PDE11A: variants seen among roughly 807,000 people sequenced by gnomAD.
The protein encoded by PDE11A is phosphodiesterase 11A.
A neutral mutation model predicts 100.5 loss-of-function variants in PDE11A; 100 were observed. The ratio of observed to expected loss-of-function variants is 1.00; its 90% CI spans 0.85 to 1.18. The LOEUF is 1.18. Among genes scored for constraint, PDE11A ranks in the 50% most tolerant of loss-of-function variants. The pLI, the probability that PDE11A is intolerant of heterozygous loss-of-function variation, is 0.00. For synonymous variants in PDE11A, 381 were observed against 420.8 expected (o/e 0.91, Z 1.16); for missense variants, 1,141 against 1,152.6 (o/e 0.99, Z 0.15).
chr2:177,792,186 T>A (rs1287025354), intron 9 of PDE11A, among the ~76,000 whole-genome samples: 1 of 152,206 alleles, frequency 6.6e-6, no homozygotes, highest in Non-Finnish European at 1.5e-5. Context: ...ATTAAATGTA[T>A]TAATGTTTCA....
At chr2:177,703,968 C>A (rs1574061615) in intron 13 of PDE11A, among the ~76,000 whole-genome samples, 1 of 152,286 alleles carries the variant, frequency 6.6e-6, no homozygotes, top group South Asian at 2.1e-4. Context: ...CGTCAGATTC[C>A]CTCTTTGTTC....
intron 1 of PDE11A, among the ~76,000 whole-genome samples, chr2:178,017,687 G>A (rs1457837457): frequency 2.0e-5 from 3 of 152,190 alleles, no homozygotes; most frequent in Non-Finnish European, 4.4e-5. Context: ...GGGGCCAGGT[G>A]CAGTGGATCA....
At position 177,764,726 on chromosome 2, in the gene PDE11A, T is replaced by G. The variant is rs142197604; in HGVS notation, c.1788+4597A>C. 1.0e-3 allele frequency among the ~76,000 whole-genome samples: 154 copies of G among 152,352 alleles called. 1 individual carries two copies. In the Middle Eastern group the frequency reaches 0.017, roughly 17 times the overall value. On this transcript the variant is annotated intron_variant, in intron 10 of 19. Coordinates refer to ENST00000286063, the MANE Select transcript of PDE11A (RefSeq NM_016953.4). ...TGCACAAATTTTCTGTATATAACTT[T>G]CTTATTTCAAGTTCATGGAAGATCA... is the stretch of plus-strand genomic sequence containing the variant.
chr2:178,064,870 T>C (rs1460472181), intron 1 of PDE11A, among the ~76,000 whole-genome samples: 1 of 152,072 alleles, frequency 6.6e-6, no homozygotes, highest in East Asian at 1.9e-4. Flanking sequence ...GAAAAAAAGA[T>C]TTTTTCTCCT....
chr2:177,998,047 G>T, intron 2 of PDE11A: 2 of 1,269,850 alleles, frequency 1.6e-6, no homozygotes, highest in Non-Finnish European at 1.2e-6. Context: ...TGCCTGCTGA[G>T]TGCACTGTAA....
intron 9 of PDE11A, among the ~76,000 whole-genome samples, chr2:177,800,883 T>C (rs940079772): frequency 6.6e-6 from 1 of 152,198 alleles, no homozygotes; most frequent in Non-Finnish European, 1.5e-5. Context: ...AGGACATAAG[T>C]GGACCACAAA....
chr2:177,899,221 T>C (rs973382070), intron 3 of PDE11A, among the ~76,000 whole-genome samples: 8 of 151,966 alleles, frequency 5.3e-5, no homozygotes, highest in African/African-American at 1.9e-4. Flanking sequence ...GCCTGGCTAA[T>C]ACGGTGAAAC....
intron 1 of PDE11A, among the ~76,000 whole-genome samples, chr2:178,052,254 T>G (rs1016234145): frequency 2.0e-5 from 3 of 152,224 alleles, no homozygotes; most frequent in Admixed American, 1.3e-4. Flanking sequence ...AACCTGCTCC[T>G]GAATGACTAC....
chr2:177,870,603 T>C (rs2084114484), intron 5 of PDE11A, among the ~76,000 whole-genome samples: 1 of 152,214 alleles, frequency 6.6e-6, no homozygotes, highest in Non-Finnish European at 1.5e-5. Context: ...TTTCAGCAAT[T>C]CTACTGAATT....
intron 4 of PDE11A, among the ~76,000 whole-genome samples, chr2:177,891,465 G>A (rs1311810554): frequency 6.6e-6 from 1 of 152,174 alleles, no homozygotes; most frequent in African/African-American, 2.4e-5. Context: ...AGAGCTGTTT[G>A]AAAGTGCTTA....
chr2:177,991,163 A>G (rs2085999317), intron 2 of PDE11A, among the ~76,000 whole-genome samples: 1 of 150,272 alleles, frequency 6.7e-6, no homozygotes, highest in Non-Finnish European at 1.5e-5. Context: ...CATCTCTACT[A>G]AAAATACAAA....
intron 2 of PDE11A, among the ~76,000 whole-genome samples, chr2:177,909,632 G>A (rs2084846566): frequency 6.6e-6 from 1 of 152,060 alleles, no homozygotes; most frequent in Non-Finnish European, 1.5e-5. Context: ...TACTACTATT[G>A]TTATTATTAA....
intron 1 of PDE11A, among the ~76,000 whole-genome samples, chr2:178,052,243 C>A (rs1189756243): frequency 6.6e-6 from 1 of 152,180 alleles, no homozygotes. Flanking sequence ...GGAAACTGAA[C>A]AACCTGCTCC....
chr2:177,742,677 A>G (rs560612699), intron 10 of PDE11A, among the ~76,000 whole-genome samples: 9 of 152,308 alleles, frequency 5.9e-5, no homozygotes, highest in African/African-American at 1.2e-4. Context: ...CCAGCTAGAG[A>G]GTCCACCCCT....
At chr2:177,964,408 C>T (rs185742061) in intron 2 of PDE11A, among the ~76,000 whole-genome samples, 2 of 152,028 alleles carry the variant, frequency 1.3e-5, no homozygotes, top group East Asian at 3.9e-4. Flanking sequence ...ATTTTAGGTT[C>T]AGGGGGTACA....
intron 19 of PDE11A, among the ~76,000 whole-genome samples, chr2:177,631,140 T>C (rs933586420): frequency 1.3e-5 from 2 of 151,720 alleles, no homozygotes; most frequent in African/African-American, 2.4e-5. Context: ...TTCTATTATG[T>C]TTCTAACTGG....
chr2:177,916,514 TATAGTCTA>T (rs889318175), intron 2 of PDE11A, among the ~76,000 whole-genome samples: 4 of 152,186 alleles, frequency 2.6e-5, no homozygotes, highest in African/African-American at 7.2e-5. Flanking sequence ...TCCTCTATCT[TATAGTCTA>T]ATTTTAGTAT....
At chr2:177,853,735 T>C (rs571938985) in intron 5 of PDE11A, among the ~76,000 whole-genome samples, 3 of 78,594 alleles carry the variant, frequency 3.8e-5, no homozygotes, top group East Asian at 8.5e-4. Context: ...TGTGTGTATA[T>C]CTATATGTGT....
intron 18 of PDE11A, among the ~76,000 whole-genome samples, chr2:177,665,899 TC>T (rs1377210568): frequency 6.6e-6 from 1 of 152,114 alleles, no homozygotes; most frequent in South Asian, 2.1e-4. Context: ...TCTCTATAGT[TC>T]TGTCTAAAAT....
Sources: allele counts gnomAD v4.1 joint callset (sites outside exome capture counted in the v4.1 genomes callset), GRCh38; gene constraint gnomAD v4.1.1; transcripts MANE v1.5; gene names NCBI Gene and HGNC (gene_info 2026-07-23, HGNC 2026-07-21).